Variants in BCKDHB observed in about 807,000 individuals in gnomAD.
BCKDHB encodes branched chain keto acid dehydrogenase E1 subunit beta.
A neutral mutation model predicts 48.5 loss-of-function variants in BCKDHB; 41 were observed. The ratio of observed to expected loss-of-function variants is 0.85; its 90% CI spans 0.66 to 1.10. The LOEUF (loss-of-function observed/expected upper bound fraction) is 1.10, where lower values mean the gene tolerates loss of function less well. Among genes scored for constraint, BCKDHB ranks in the 50% least tolerant of loss-of-function variants. BCKDHB has a pLI of 0.00. For missense variants in BCKDHB, 496 were observed against 494.2 expected (o/e 1.00, Z -0.03); for synonymous variants, 201 against 174.8 (o/e 1.15, Z -1.18).
At chr6:80,150,759 G>A (rs1771734374) in intron 3 of BCKDHB, among the ~76,000 whole-genome samples, 1 of 151,828 alleles carries the variant, frequency 6.6e-6, no homozygotes. Context: ...GTTTCACCAT[G>A]TTGGCCACAC....
At chr6:80,427,814 G>A in the BCKDHB span, among the ~76,000 whole-genome samples, 3 of 152,024 alleles carry the variant, frequency 2.0e-5, no homozygotes. Context: ...TTGACAAAAA[G>A]TCTGCAGTTG....
At chr6:80,388,651 T>C in the BCKDHB span, among the ~76,000 whole-genome samples, 3 of 152,182 alleles carry the variant, frequency 2.0e-5, no homozygotes, top group Admixed American at 2.0e-4. Flanking sequence ...GTGGCTCAAA[T>C]GCCCATGATC....
chr6:80,212,827 T>C (rs571851144), intron 8 of BCKDHB, among the ~76,000 whole-genome samples: 1 of 152,330 alleles, frequency 6.6e-6, no homozygotes, highest in East Asian at 1.9e-4. Context: ...CATTAAGGCC[T>C]TCCTTGACCA....
chr6:80,385,446 C>T, the BCKDHB span, among the ~76,000 whole-genome samples: 1 of 152,188 alleles, frequency 6.6e-6, no homozygotes, highest in Admixed American at 6.6e-5. Flanking sequence ...CCTGTTGAAG[C>T]TGGGGACACT....
At chr6:80,275,308 A>C (rs944271282) in intron 9 of BCKDHB, among the ~76,000 whole-genome samples, 2 of 152,028 alleles carry the variant, frequency 1.3e-5, no homozygotes, top group East Asian at 1.9e-4. Context: ...GTGCACATGC[A>C]CTCTTAATTC....
At chr6:80,132,237 A>G (rs1198800215) in intron 3 of BCKDHB, among the ~76,000 whole-genome samples, 1 of 151,892 alleles carries the variant, frequency 6.6e-6, no homozygotes, top group Non-Finnish European at 1.5e-5. Flanking sequence ...GGACCCTCCA[A>G]GCAGACTCAG....
At chr6:80,223,967 T>G (rs1035684234) in intron 8 of BCKDHB, among the ~76,000 whole-genome samples, 22 of 152,222 alleles carry the variant, frequency 1.4e-4, no homozygotes, top group Admixed American at 1.1e-3. Flanking sequence ...ATGTGGACTT[T>G]TGTTTTTAAT....
chr6:80,339,875 G>A (rs1769802239), intron 9 of BCKDHB, among the ~76,000 whole-genome samples: 1 of 152,002 alleles, frequency 6.6e-6, no homozygotes, highest in Non-Finnish European at 1.5e-5. Flanking sequence ...ATTCTCAATA[G>A]TAGGGTCTTA....
the BCKDHB span, among the ~76,000 whole-genome samples, chr6:80,459,900 A>G: frequency 3.3e-5 from 5 of 152,152 alleles, no homozygotes; most frequent in African/African-American, 1.2e-4. Flanking sequence ...TCTTGGATCC[A>G]TAAGCCATTT....
chr6:80,418,281 T>C, the BCKDHB span, among the ~76,000 whole-genome samples: 1 of 152,162 alleles, frequency 6.6e-6, no homozygotes, highest in Non-Finnish European at 1.5e-5. Flanking sequence ...CTAAATTCTA[T>C]TTCTGTCATT....
chr6:80,333,423 C>T (rs9448929), intron 9 of BCKDHB, among the ~76,000 whole-genome samples: 2,047 of 152,186 alleles, frequency 0.013, 43 homozygotes, highest in African/African-American at 0.046. Context: ...AACTAAATAG[C>T]TGGGTTTTTT....
At chr6:80,107,376 CAGTT>C (rs1480197111) in intron 1 of BCKDHB, among the ~76,000 whole-genome samples, 1 of 143,016 alleles carries the variant, frequency 7.0e-6, no homozygotes, top group Non-Finnish European at 1.5e-5. Flanking sequence ...AAAATCAATT[CAGTT>C]ACTCAGTCCC....
At chr6:80,119,722 C>G (rs1455733523) in intron 1 of BCKDHB, among the ~76,000 whole-genome samples, 1 of 152,118 alleles carries the variant, frequency 6.6e-6, no homozygotes, top group African/African-American at 2.4e-5. Context: ...CCAGATCCAT[C>G]AGAGTAATCA....
the BCKDHB span, among the ~76,000 whole-genome samples, chr6:80,373,200 A>T: frequency 6.6e-6 from 1 of 152,094 alleles, no homozygotes; most frequent in Non-Finnish European, 1.5e-5. Flanking sequence ...CCAGGAATTT[A>T]TCCATCTCCT....
chr6:80,216,761 G>A (rs978871357), intron 8 of BCKDHB, among the ~76,000 whole-genome samples: 4 of 152,058 alleles, frequency 2.6e-5, no homozygotes, highest in Non-Finnish European at 4.4e-5. Flanking sequence ...CTTTGATGGC[G>A]TTTAACTCTC....
intron 8 of BCKDHB, among the ~76,000 whole-genome samples, chr6:80,227,548 G>A (rs1775730825): frequency 6.6e-6 from 1 of 152,054 alleles, no homozygotes; most frequent in African/African-American, 2.4e-5. Flanking sequence ...TTCCAGTTTT[G>A]TGTCCCAGAA....
chr6:80,167,625 C>T (rs1189108327), intron 3 of BCKDHB, 53 bp from the exon 4 acceptor site: 2 of 1,499,634 alleles, frequency 1.3e-6, no homozygotes, highest in South Asian at 1.1e-5. Flanking sequence ...ATGTATTATG[C>T]ATGACATTAC....
At chr6:80,165,090 A>C (rs147620192) in intron 3 of BCKDHB, among the ~76,000 whole-genome samples, 11 of 152,310 alleles carry the variant, frequency 7.2e-5, no homozygotes, top group African/African-American at 2.6e-4. Context: ...CAACAAGGCT[A>C]TATTTCTTAC....
At chr6:80,258,586 G>A (rs1381835926) in intron 8 of BCKDHB, among the ~76,000 whole-genome samples, 1 of 152,220 alleles carries the variant, frequency 6.6e-6, no homozygotes, top group East Asian at 1.9e-4. Context: ...ATGCCCAGAT[G>A]GCTCTGAGGC....
Sources: allele counts gnomAD v4.1 joint callset (sites outside exome capture counted in the v4.1 genomes callset), GRCh38; gene constraint gnomAD v4.1.1; transcripts MANE v1.5; gene names NCBI Gene and HGNC (gene_info 2026-07-23, HGNC 2026-07-21).